USP49: variants seen among roughly 807,000 people sequenced by gnomAD.
The protein encoded by USP49 is ubiquitin carboxyl-terminal hydrolase 49.
A neutral mutation model predicts 58.6 loss-of-function variants in USP49; 24 were observed. That is an observed-to-expected ratio of 0.41 (90% CI 0.30 to 0.58). USP49 has a LOEUF of 0.58. Ranked by LOEUF, USP49 falls within the 20% of genes least tolerant of loss-of-function variation. USP49 has a pLI of 0.30. For synonymous variants in USP49, 408 were observed against 365.1 expected, an observed-to-expected ratio of 1.12 and a Z score of -1.34; for missense variants, 703 against 866.1, an observed-to-expected ratio of 0.81 and a Z score of 2.36.
chr6:41,799,079 CTTATTTATTTAT>C lies in USP49; in HGVS notation c.1671-162_1671-151del, dbSNP rs3050156. 319 of 360,686 alleles carry C rather than the reference CTTATTTATTTAT, an allele frequency of 8.8e-4. 29 individuals are homozygous for C. The highest frequency in any genetic ancestry group is 7.0e-3 in the East Asian group (98 of 13,930). The allele number at this position is 360,686 out of a possible 1,614,324, so 22.3% of individuals were successfully genotyped here. A position where few individuals can be genotyped will look rare whatever the true frequency, so the allele number is the denominator to read the frequency against. On this transcript the variant is annotated intron_variant, in intron 6 of 7. Coordinates refer to ENST00000682992, the MANE Select transcript of USP49 (RefSeq NM_001286554.2). ...AAAATGGTGGTAATCAATGTTCACA[CTTATTTATTTAT>C]TTATTTATTTATTTATTTATTTATT...
intron 2 of USP49, among the ~76,000 whole-genome samples, chr6:41,881,602 G>A (rs547323304): frequency 4.6e-5 from 7 of 152,068 alleles, no homozygotes; most frequent in Non-Finnish European, 7.4e-5. Flanking sequence ...AATAGTAGGC[G>A]TGGCTTTGTT....
chr6:41,844,303 G>A (rs1773881727), intron 3 of USP49, among the ~76,000 whole-genome samples: 2 of 152,106 alleles, frequency 1.3e-5, no homozygotes, highest in South Asian at 2.1e-4. Flanking sequence ...AACTGCGTAT[G>A]TTGCAGTTTC....
At chr6:41,821,350 A>G (rs1773449597) in intron 3 of USP49, among the ~76,000 whole-genome samples, 1 of 152,084 alleles carries the variant, frequency 6.6e-6, no homozygotes, top group South Asian at 2.1e-4. Flanking sequence ...TTTATCCACA[A>G]TTTGTCCACA....
intron 3 of USP49, among the ~76,000 whole-genome samples, chr6:41,863,654 G>C (rs1002282291): frequency 2.6e-4 from 40 of 152,314 alleles, no homozygotes; most frequent in Non-Finnish European, 5.4e-4. Context: ...GAGTTGATGT[G>C]ATTATATAAA....
intron 2 of USP49, among the ~76,000 whole-genome samples, chr6:41,890,231 T>C (rs1774788096): frequency 6.6e-6 from 1 of 151,516 alleles, no homozygotes; most frequent in Non-Finnish European, 1.5e-5. Context: ...TACAAAACCT[T>C]GGCTGGATGT....
chr6:41,888,341 C>A (rs1774752785), intron 2 of USP49, among the ~76,000 whole-genome samples: 1 of 151,950 alleles, frequency 6.6e-6, no homozygotes, highest in African/African-American at 2.4e-5. Context: ...CAGGTGTGAG[C>A]CACTGTGCCT....
chr6:41,887,841 T>A (rs1219803849), intron 2 of USP49, among the ~76,000 whole-genome samples: 17 of 152,140 alleles, frequency 1.1e-4, no homozygotes, highest in Admixed American at 1.0e-3. Flanking sequence ...CAATTTGACA[T>A]ATAATAAAAA....
At chr6:41,839,468 C>T (rs1236352678) in intron 3 of USP49, among the ~76,000 whole-genome samples, 3 of 134,432 alleles carry the variant, frequency 2.2e-5, no homozygotes, top group Non-Finnish European at 4.8e-5. Context: ...CAATCTAAGG[C>T]CACACCTCAA....
At position 41,850,451 on chromosome 6, in the gene USP49, GA is replaced by G. The variant is rs1254330716; in HGVS notation, c.-29+21112del. ...GAGTGAGACTCAGCCTCTAAGGAAA[GA>G]AAAAAAAAAAAAATAAATAAATAAA... is the stretch of plus-strand genomic sequence containing the variant. On this transcript the variant is annotated intron_variant, in intron 3 of 7. Transcript: ENST00000682992. 2.5e-3 allele frequency among the ~76,000 whole-genome samples: 326 copies of G among 128,294 alleles called. 1 individual carries two copies. Among genetic ancestry groups the G allele is most frequent in the African/African-American group, 6.3e-3 (228 of 36,048 alleles). The allele number at this position is 128,294 out of a possible 152,430, so 84.2% of individuals were successfully genotyped here. A position where few individuals can be genotyped will look rare whatever the true frequency, so the allele number is the denominator to read the frequency against.
intron 3 of USP49, among the ~76,000 whole-genome samples, chr6:41,839,121 A>AAC (rs1383351068): frequency 6.6e-6 from 1 of 152,122 alleles, no homozygotes; most frequent in Non-Finnish European, 1.5e-5. Flanking sequence ...AAAAGTCTGA[A>AAC]AGAGTCCTGG....
At chr6:41,858,249 TC>T (rs1487685645) in intron 3 of USP49, among the ~76,000 whole-genome samples, 1 of 152,168 alleles carries the variant, frequency 6.6e-6, no homozygotes, top group African/African-American at 2.4e-5. Flanking sequence ...AAATATTACC[TC>T]TTCCCCAAGG....
intron 3 of USP49, among the ~76,000 whole-genome samples, chr6:41,831,691 T>C (rs1365825301): frequency 1.3e-5 from 2 of 151,870 alleles, no homozygotes; most frequent in East Asian, 1.9e-4. Flanking sequence ...TAAACATTAC[T>C]CCAAACTAAA....
At chr6:41,839,725 TA>T (rs1773789192) in intron 3 of USP49, among the ~76,000 whole-genome samples, 1 of 151,288 alleles carries the variant, frequency 6.6e-6, no homozygotes, top group Non-Finnish European at 1.5e-5. Context: ...ACGATTACTC[TA>T]AGTGAAGTAA....
At chr6:41,856,782 CAGAG>C (rs1318145289) in intron 3 of USP49, among the ~76,000 whole-genome samples, 2 of 152,182 alleles carry the variant, frequency 1.3e-5, no homozygotes, top group Admixed American at 6.5e-5. Context: ...TTGAGAGAGA[CAGAG>C]AAAGACCACA....
intron 3 of USP49, among the ~76,000 whole-genome samples, chr6:41,856,983 C>T (rs1164841275): frequency 6.6e-6 from 1 of 152,138 alleles, no homozygotes; most frequent in African/African-American, 2.4e-5. Flanking sequence ...AACAGCCATC[C>T]ACTGGGAGTT....
intron 2 of USP49, chr6:41,874,387 T>C (rs1190878156): frequency 6.6e-6 from 1 of 152,188 alleles, no homozygotes; most frequent in Non-Finnish European, 1.5e-5. Flanking sequence ...AAATCCATTC[T>C]TGAAACCTTA....
intron 3 of USP49, among the ~76,000 whole-genome samples, chr6:41,851,649 T>C (rs115854812): frequency 0.01 from 1,556 of 152,138 alleles, 25 homozygotes; most frequent in African/African-American, 0.033. Flanking sequence ...ATTAGGCAAA[T>C]TGGAAAAGAA....
intron 3 of USP49, among the ~76,000 whole-genome samples, chr6:41,867,369 C>T (rs1312493603): frequency 2.0e-5 from 3 of 152,186 alleles, no homozygotes; most frequent in Admixed American, 6.6e-5. Context: ...AACTGCTGCA[C>T]AGTTCAATCT....
chr6:41,834,820 G>A (rs1773698165), intron 3 of USP49, among the ~76,000 whole-genome samples: 1 of 152,136 alleles, frequency 6.6e-6, no homozygotes, highest in African/African-American at 2.4e-5. Flanking sequence ...CCAGTCTCAG[G>A]TATTTCTTTA....
Sources: gnomAD v4.1 joint callset for allele counts (sites outside exome capture counted in the v4.1 genomes callset) on GRCh38, gnomAD v4.1.1 for gene constraint, MANE v1.5 for transcripts, NCBI Gene and HGNC (gene_info 2026-07-23, HGNC 2026-07-21) for gene names.